The following LRRC49 variants were observed in gnomAD, a reference collection of about 807,000 sequenced individuals.
The protein encoded by LRRC49 is leucine-rich repeat-containing protein 49.
A neutral mutation model predicts 83.3 loss-of-function variants in LRRC49; 50 were observed. The ratio of observed to expected loss-of-function variants is 0.60; its 90% CI spans 0.48 to 0.76. The LOEUF (loss-of-function observed/expected upper bound fraction) is 0.76, where lower values mean the gene tolerates loss of function less well. LRRC49 is among the 30% of genes least tolerant of loss of function. LRRC49 has a pLI of 0.00. For missense variants in LRRC49, 704 were observed against 809.1 expected, an observed-to-expected ratio of 0.87 and a Z score of 1.58; for synonymous variants, 286 against 283.3, an observed-to-expected ratio of 1.01 and a Z score of -0.10.
chr15:70,912,467 A>G lies in LRRC49; in HGVS notation c.567+869A>G, dbSNP rs572933789. Among the ~76,000 whole-genome samples the G allele has an allele frequency of 6.6e-5, 10 of 152,236 alleles. No individual in the cohort carries two copies. In the South Asian group the frequency reaches 2.1e-3, roughly 32 times the overall value. ...GATTGTACCAGTTTGTACTCGTACCACTAATACATAATCATGTTGCTTCCT... is the reference window on the plus strand; with the variant it reads ...GATTGTACCAGTTTGTACTCGTACCGCTAATACATAATCATGTTGCTTCCT... On this transcript the variant is annotated intron_variant, in intron 6 of 15. Coordinates refer to ENST00000260382, the MANE Select transcript of LRRC49 (RefSeq NM_017691.5).
upstream of LRRC49, chr15:70,891,843 C>T (rs763915679): frequency 5.1e-6 from 8 of 1,583,040 alleles, no homozygotes; most frequent in South Asian, 9.3e-5. Context: ...TCTCTCTTTA[C>T]CTGTGAAGCT....
chr15:70,917,837 C>T lies in LRRC49; in HGVS notation c.568-1213C>T, dbSNP rs555574809. On this transcript the variant is annotated intron_variant, in intron 6 of 15. Transcript: ENST00000260382. ...GGTCGCAGGACAAGAACCTGGGACC[C>T]ACAGAATTTGGGACCCCAGAATGGC... Among the ~76,000 whole-genome samples, 137 of 152,262 alleles carry T rather than the reference C, an allele frequency of 9.0e-4. 1 individual carries two copies. The highest frequency in any genetic ancestry group is 6.8e-3 in the Middle Eastern group (2 of 294).
At position 70,965,449 on chromosome 15, in the gene LRRC49, G is replaced by A. The variant is rs2036762030; in HGVS notation, c.921+1517G>A. ...TAAAATTATACATTGCATTATAGCTGAATTTTGTTGTCATGTCTCTAAAGT... is the reference window on the plus strand; with the variant it reads ...TAAAATTATACATTGCATTATAGCTAAATTTTGTTGTCATGTCTCTAAAGT... On this transcript the variant is annotated intron_variant, in intron 9 of 15. Transcript: ENST00000260382. 3.3e-5 allele frequency among the ~76,000 whole-genome samples: 5 copies of A among 152,028 alleles called. No individual in the cohort carries two copies. The South Asian group carries it at 1.0e-3, about 32-fold the overall frequency.
chr15:70,877,679 A>C (rs1202755725), intron 2 of LRRC49, among the ~76,000 whole-genome samples: 1 of 152,180 alleles, frequency 6.6e-6, no homozygotes, highest in Non-Finnish European at 1.5e-5. Flanking sequence ...CTCTTGGTAA[A>C]GTACCCAGGA....
At chr15:70,907,865 A>C in intron 5 of LRRC49, 1 of 425,454 alleles carries the variant, frequency 2.4e-6, no homozygotes, top group Non-Finnish European at 4.8e-6. Flanking sequence ...TGTTAACGTA[A>C]AAATGGTCAA....
At chr15:71,025,795 CA>C (rs900857803) in intron 14 of LRRC49, among the ~76,000 whole-genome samples, 9 of 151,530 alleles carry the variant, frequency 5.9e-5, no homozygotes, top group Middle Eastern at 3.4e-3. Flanking sequence ...AAGGGCATTA[CA>C]TAATAGTAAA....
intron 7 of LRRC49, among the ~76,000 whole-genome samples, chr15:70,936,335 AT>A (rs1293066618): frequency 1.3e-5 from 2 of 152,218 alleles, no homozygotes; most frequent in Admixed American, 6.5e-5. Flanking sequence ...TAGCTTTAAA[AT>A]TCTCACTATT....
intron 1 of LRRC49, among the ~76,000 whole-genome samples, chr15:70,856,717 A>G (rs1381675276): frequency 6.6e-6 from 1 of 152,182 alleles, no homozygotes; most frequent in East Asian, 1.9e-4. Context: ...CACGTTTGCA[A>G]TGAGGAGAGT....
chr15:71,030,781 G>A (rs1206910560), intron 14 of LRRC49, among the ~76,000 whole-genome samples: 1 of 151,568 alleles, frequency 6.6e-6, no homozygotes, highest in Non-Finnish European at 1.5e-5. Context: ...TTCAATCTCT[G>A]ATATCCTTTC....
chr15:70,860,206 C>A, intron 1 of LRRC49: 2 of 616,684 alleles, frequency 3.2e-6, no homozygotes, highest in Non-Finnish European at 2.9e-6. Context: ...CTGCGGCTGC[C>A]CCAGGGCCCT....
chr15:70,908,054 C>T, intron 5 of LRRC49: 2 of 455,664 alleles, frequency 4.4e-6, no homozygotes, highest in South Asian at 1.5e-5. Flanking sequence ...AAAGGCAACT[C>T]ATGAGAACAA....
At chr15:71,033,574 C>G (rs577466132) in intron 14 of LRRC49, among the ~76,000 whole-genome samples, 25 of 152,086 alleles carry the variant, frequency 1.6e-4, no homozygotes, top group African/African-American at 4.8e-4. Context: ...AGAGCCCATA[C>G]AGCCAAGACA....
At chr15:71,032,037 G>T (rs887209595) in intron 14 of LRRC49, among the ~76,000 whole-genome samples, 8 of 151,960 alleles carry the variant, frequency 5.3e-5, no homozygotes, top group African/African-American at 1.5e-4. Context: ...GCGCCACTGG[G>T]GTATGAAAAA....
intron 1 of LRRC49, among the ~76,000 whole-genome samples, chr15:70,871,259 C>T (rs1034583534): frequency 5.3e-5 from 8 of 151,964 alleles, no homozygotes; most frequent in African/African-American, 1.9e-4. Flanking sequence ...TCAGAGAGCA[C>T]GGGGTTGGGG....
At chr15:71,037,043 A>C in intron 14 of LRRC49, 136 bp from the exon 15 acceptor site, 1 of 557,680 alleles carries the variant, frequency 1.8e-6, no homozygotes, top group Non-Finnish European at 3.0e-6. Context: ...ACTGAACTCA[A>C]ATAAATCATA....
At chr15:70,873,096 G>A (rs2033084741) in exon 2 of LRRC49, 1 of 827,510 alleles carries the variant, frequency 1.2e-6, no homozygotes, top group Admixed American at 2.0e-5. Flanking sequence ...TCTTGGCCAG[G>A]CTGGTCTTGA....
At chr15:70,887,992 T>C (rs1012572190), upstream of LRRC49, among the ~76,000 whole-genome samples, 7 of 152,152 alleles carry the variant, frequency 4.6e-5, no homozygotes, top group African/African-American at 1.7e-4. Context: ...GAAAGATATG[T>C]AAGACCTCTA....
intron 9 of LRRC49, among the ~76,000 whole-genome samples, chr15:70,971,853 C>G (rs2037016915): frequency 9.0e-6 from 1 of 111,572 alleles, no homozygotes; most frequent in South Asian, 3.1e-4. Context: ...TCCTCTATCA[C>G]TTTATTTTGA....
chr15:71,009,911 A>G lies in LRRC49; in HGVS notation c.1512A>G (p.Pro504=). 1 of 1,612,452 alleles carries G rather than the reference A, an allele frequency of 6.2e-7. No individual in the cohort carries two copies. The highest frequency in any genetic ancestry group is 1.1e-5 in the South Asian group (1 of 90,998). ...TGACAATTGATCCTCAAGGAAATCC[A>G]GTTGTCAATTTTACACTCTGGAAAT... ...DQLTIDPQGN[P]VVNFTLWKYY... Residue 504 remains proline, a synonymous_variant, in exon 13 of 16, where the codon CCA becomes CCG. Transcript: ENST00000260382.
Sources: allele counts gnomAD v4.1 joint callset (sites outside exome capture counted in the v4.1 genomes callset), GRCh38; gene constraint gnomAD v4.1.1; transcripts MANE v1.5; gene names NCBI Gene and HGNC (gene_info 2026-07-23, HGNC 2026-07-21).